CBR4: variants seen among roughly 807,000 people sequenced by gnomAD.
CBR4 encodes the protein 3-oxoacyl-[acyl-carrier-protein] reductase.
A neutral mutation model predicts 21.0 loss-of-function variants in CBR4; 22 were observed. The ratio of observed to expected loss-of-function variants is 1.05; its 90% confidence interval spans 0.75 to 1.50. CBR4 has a LOEUF of 1.50. Ranked by LOEUF, CBR4 falls within the 40% of genes most tolerant of loss-of-function variation. The pLI is 0.00. For missense variants in CBR4, 302 were observed against 286.3 expected (o/e 1.05, Z -0.40); for synonymous variants, 100 against 104.4 (o/e 0.96, Z 0.26).
intron 2 of CBR4, among the ~76,000 whole-genome samples, chr4:168,934,282 C>CCAAAACCAAAAAAAAAAAAAAGAAA (rs1763045804): frequency 5.5e-5 from 1 of 18,178 alleles, no homozygotes; most frequent in African/African-American, 1.9e-4. Context: ...GCAAAAAAAA[C>CCAAAACCAAAAAAAAAAAAAAGAAA]AAAAAAAAAA....
At chr4:168,903,452 T>C (rs1490274150) in intron 2 of CBR4, among the ~76,000 whole-genome samples, 1 of 152,154 alleles carries the variant, frequency 6.6e-6, no homozygotes, top group Non-Finnish European at 1.5e-5. Context: ...CATGAAGTAA[T>C]GCCACTTCAT....
At position 168,899,917 on chromosome 4, in the gene CBR4, C is replaced by CA. The variant is rs1172762037; in HGVS notation, n.170-5153dup. ...GGGCAACAACAGTGAGACTCCGTCT[C>CA]AAAAAAAAAAAAAAGAAAAGAAAAT... On this transcript the variant is annotated intron_variant and non_coding_transcript_variant, in intron 2 of 3. Coordinates refer to the CBR4 transcript ENST00000509108. 4.3e-3 allele frequency among the ~76,000 whole-genome samples: 465 copies of CA among 108,800 alleles called. 1 individual carries two copies. The highest frequency in any genetic ancestry group is 0.01 in the East Asian group (41 of 3,954). The allele number at this position is 108,800 out of a possible 152,430, so 71.4% of individuals were successfully genotyped here.
Position 168,921,682 on chromosome 4 carries a change from C to G in CBR4, n.170-26917G>C. 6.2e-7 allele frequency: 1 copy of G among 1,611,620 alleles called. No homozygotes were observed. The highest frequency in any genetic ancestry group is 1.3e-5 in the African/African-American group (1 of 74,598). ...ACGTCACGTGATGCCGGCATCTACA[C>G]ATGTATAGCTACCAACCGAGCAGGA... On this transcript the variant is annotated intron_variant and non_coding_transcript_variant, in intron 2 of 3. Transcript: ENST00000509108.
chr4:168,947,968 G>A (rs899100482), intron 2 of CBR4, among the ~76,000 whole-genome samples: 1 of 152,130 alleles, frequency 6.6e-6, no homozygotes, highest in African/African-American at 2.4e-5. Context: ...TTTTCATAGT[G>A]GTTGTACTAG....
intron 2 of CBR4, 108 bp from the exon 3 acceptor site, chr4:169,006,999 G>T: frequency 1.2e-6 from 1 of 815,594 alleles, no homozygotes; most frequent in Non-Finnish European, 2.0e-6. Flanking sequence ...CTTCCTATCT[G>T]AGCTAGAATA....
intron 1 of CBR4, among the ~76,000 whole-genome samples, chr4:169,008,365 T>TA (rs1731100201): frequency 6.6e-6 from 1 of 152,108 alleles, no homozygotes; most frequent in South Asian, 2.1e-4. Flanking sequence ...TTACCACTTT[T>TA]AAAAAATGGT....
chr4:168,916,301 A>C (rs1279596314), intron 2 of CBR4, among the ~76,000 whole-genome samples: 1 of 152,062 alleles, frequency 6.6e-6, no homozygotes, highest in Non-Finnish European at 1.5e-5. Context: ...AGTCCCATCT[A>C]CTTGGGAGGC....
intron 2 of CBR4, among the ~76,000 whole-genome samples, chr4:168,920,455 A>G (rs941302862): frequency 2.6e-5 from 4 of 152,212 alleles, no homozygotes; most frequent in Non-Finnish European, 5.9e-5. Flanking sequence ...GAACTGTTTT[A>G]CAGTCTAAGT....
chr4:168,949,633 G>A (rs1183228321), intron 2 of CBR4, among the ~76,000 whole-genome samples: 1 of 152,030 alleles, frequency 6.6e-6, no homozygotes, highest in African/African-American at 2.4e-5. Context: ...TGGCTTCATA[G>A]AATGAATTAG....
chr4:168,947,714 C>A (rs1763430876), intron 2 of CBR4, among the ~76,000 whole-genome samples: 1 of 152,146 alleles, frequency 6.6e-6, no homozygotes, highest in South Asian at 2.1e-4. Context: ...TTAATTCATT[C>A]CTTTTTATGG....
intron 4 of CBR4, among the ~76,000 whole-genome samples, chr4:168,999,686 A>C (rs913836020): frequency 2.0e-5 from 3 of 151,996 alleles, no homozygotes; most frequent in Non-Finnish European, 4.4e-5. Flanking sequence ...TTAAGAAAGA[A>C]AGACTACAAC....
At chr4:168,935,413 A>T (rs1763082748) in intron 2 of CBR4, among the ~76,000 whole-genome samples, 2 of 152,134 alleles carry the variant, frequency 1.3e-5, no homozygotes, top group South Asian at 2.1e-4. Context: ...GCGAGACAGA[A>T]CCATTCACTC....
At chr4:168,932,438 G>A (rs935073552) in intron 2 of CBR4, among the ~76,000 whole-genome samples, 6 of 152,022 alleles carry the variant, frequency 3.9e-5, no homozygotes, top group East Asian at 1.9e-4. Flanking sequence ...ATGGGACACT[G>A]TTAAGTGAAC....
chr4:168,962,901 G>A (rs1763904285), intron 2 of CBR4, among the ~76,000 whole-genome samples: 1 of 152,090 alleles, frequency 6.6e-6, no homozygotes, highest in Non-Finnish European at 1.5e-5. Context: ...GGCAAAAACA[G>A]TTTTGGAATT....
chr4:168,919,075 C>CTAT (rs1760860471), intron 2 of CBR4, among the ~76,000 whole-genome samples: 1 of 152,116 alleles, frequency 6.6e-6, no homozygotes, highest in African/African-American at 2.4e-5. Context: ...CTGGTTATCT[C>CTAT]TATTTTTAAT....
intron 2 of CBR4, among the ~76,000 whole-genome samples, chr4:168,965,966 A>C (rs1169495249): frequency 2.0e-5 from 3 of 152,216 alleles, no homozygotes; most frequent in Non-Finnish European, 2.9e-5. Context: ...GGCAACCTAC[A>C]GAATGGGAGA....
intron 2 of CBR4, among the ~76,000 whole-genome samples, chr4:168,945,832 C>T (rs1763382658): frequency 6.6e-6 from 1 of 151,942 alleles, no homozygotes; most frequent in African/African-American, 2.4e-5. Context: ...TTTTTAAAGG[C>T]ATAAATCCAA....
At chr4:168,982,782 T>C (rs546410994), downstream of CBR4, among the ~76,000 whole-genome samples, 4 of 152,194 alleles carry the variant, frequency 2.6e-5, no homozygotes, top group East Asian at 5.8e-4. Flanking sequence ...AAACATACAA[T>C]TAAATGGACA....
In CBR4 at chr4:168,997,401, T is replaced by A. The variant is rs114760084; in HGVS notation, c.535+4670A>T. Among the ~76,000 whole-genome samples, 790 of 152,292 alleles carry A rather than the reference T, an allele frequency of 5.2e-3. 4 individuals are homozygous for A. Among genetic ancestry groups the A allele is most frequent in the African/African-American group, 0.018 (731 of 41,564 alleles). On this transcript the variant is annotated intron_variant, in intron 4 of 4. Transcript: ENST00000306193. ...GGACACTCTTGCTCAAAAAGGTAAA[T>A]GCATGGCTCCTGCCCAATGAGGATT...
Sources: gnomAD v4.1 joint callset for allele counts (sites outside exome capture counted in the v4.1 genomes callset) on GRCh38, gnomAD v4.1.1 for gene constraint, MANE v1.5 for transcripts, NCBI Gene and HGNC (gene_info 2026-07-23, HGNC 2026-07-21) for gene names.